Variants in MARCHF5 observed in about 807,000 individuals in gnomAD.
The protein encoded by MARCHF5 is E3 ubiquitin-protein ligase MARCHF5.
In MARCHF5, 5 loss-of-function variants were observed where a neutral mutation model predicts 36.5. The observed-to-expected ratio is 0.14, with a 90% CI of 0.07 to 0.29. MARCHF5 has a LOEUF of 0.29. Ranked by LOEUF, MARCHF5 falls within the 10% of genes least tolerant of loss-of-function variation. The pLI is 1.00. For synonymous variants in MARCHF5, 103 were observed against 109.9 expected, an observed-to-expected ratio of 0.94 and a Z score of 0.39; for missense variants, 179 against 336.3, an observed-to-expected ratio of 0.53 and a Z score of 3.66.
intron 2 of MARCHF5, among the ~76,000 whole-genome samples, chr10:92,320,744 TAAA>T (rs71025394): frequency 0.32 from 48,775 of 151,806 alleles, 9,691 homozygotes; most frequent in South Asian, 0.56. Flanking sequence ...AAGTTAAAGT[TAAA>T]AGTGTATAGA....
At chr10:92,342,747 A>G (rs1042050633) in intron 3 of MARCHF5, among the ~76,000 whole-genome samples, 1 of 152,218 alleles carries the variant, frequency 6.6e-6, no homozygotes. Context: ...AGATTGGTTA[A>G]GTGTTTCCTA....
chr10:92,333,727 G>C (rs1477767602), intron 2 of MARCHF5: 1 of 868,542 alleles, frequency 1.2e-6, no homozygotes, highest in African/African-American at 1.8e-5. Context: ...TTGCTGAGAA[G>C]TTGGATTTTT....
chr10:92,291,217 A>T lies in MARCHF5; in HGVS notation c.-278A>T. 1 of 528,462 alleles carries T rather than the reference A, an allele frequency of 1.9e-6. No homozygotes were observed. Among genetic ancestry groups the T allele is most frequent in the East Asian group, 3.5e-5 (1 of 28,300 alleles). The allele number at this position is 528,462 out of a possible 1,614,324, so 32.7% of individuals were successfully genotyped here. A position where few individuals can be genotyped will look rare whatever the true frequency, so the allele number is the denominator to read the frequency against. Reference sequence around the variant, plus strand: ...GGCAGCAACTCGGCGCCCGCGGTCCATGGACCGGAACCTCGGGCCGACGGA... The same window carrying T: ...GGCAGCAACTCGGCGCCCGCGGTCCTTGGACCGGAACCTCGGGCCGACGGA... On this transcript the variant is annotated 5_prime_UTR_variant, in exon 1 of 6. It removes an upstream start codon present in the reference 5' UTR. Transcript: ENST00000358935.
At chr10:92,300,582 A>T (rs550044538) in intron 1 of MARCHF5, among the ~76,000 whole-genome samples, 3 of 151,950 alleles carry the variant, frequency 2.0e-5, no homozygotes, top group Non-Finnish European at 4.4e-5. Flanking sequence ...GCTCCCTATT[A>T]TGTTTAAGAT....
chr10:92,327,747 A>AT (rs1158830036), intron 2 of MARCHF5, among the ~76,000 whole-genome samples: 3 of 151,872 alleles, frequency 2.0e-5, no homozygotes, highest in Admixed American at 6.6e-5. Context: ...TCACTCAGGT[A>AT]TTTTTTTTCT....
At chr10:92,329,102 T>G (rs1843406896) in intron 2 of MARCHF5, among the ~76,000 whole-genome samples, 2 of 152,208 alleles carry the variant, frequency 1.3e-5, no homozygotes, top group African/African-American at 4.8e-5. Flanking sequence ...ATTTATTGGC[T>G]TAGAAAATTT....
chr10:92,292,694 G>A (rs1342296076), intron 1 of MARCHF5, among the ~76,000 whole-genome samples: 1 of 152,064 alleles, frequency 6.6e-6, no homozygotes, highest in East Asian at 1.9e-4. Context: ...TCCAGCCCTT[G>A]TTTCAGGTCA....
intron 2 of MARCHF5, among the ~76,000 whole-genome samples, chr10:92,321,900 G>T (rs912568081): frequency 1.3e-5 from 2 of 151,836 alleles, no homozygotes; most frequent in African/African-American, 4.9e-5. Flanking sequence ...CTTAATTCAT[G>T]ATTTTAGTCA....
At chr10:92,304,942 A>G (rs1169166874) in intron 1 of MARCHF5, among the ~76,000 whole-genome samples, 1 of 152,238 alleles carries the variant, frequency 6.6e-6, no homozygotes, top group East Asian at 1.9e-4. Flanking sequence ...TTCTTTAACC[A>G]GCTAGAATAT....
rs1842855652 is a variant in MARCHF5 at position 92,291,305 on chromosome 10, C to T, written c.-190C>T. ...GGCTCCTCCTCCTCGCTCTCCGCCG[C>T]CTCCGCCGGACTCCCGCAGGCCCTG... On this transcript the variant is annotated 5_prime_UTR_variant, in exon 1 of 6. Transcript: ENST00000358935. 3 of 575,890 alleles carry T rather than the reference C, an allele frequency of 5.2e-6. No homozygotes were observed. The highest frequency in any genetic ancestry group is 2.0e-5 in the African/African-American group (1 of 50,134). 35.7% of individuals were successfully genotyped at this position (575,890 alleles called of 1,614,324 possible). A position where few individuals can be genotyped will look rare whatever the true frequency, so the allele number is the denominator to read the frequency against.
chr10:92,297,405 A>T (rs896060419), intron 1 of MARCHF5, among the ~76,000 whole-genome samples: 3 of 151,436 alleles, frequency 2.0e-5, no homozygotes, highest in Admixed American at 2.0e-4. Flanking sequence ...CCTGGGCTCA[A>T]GTGATCCGCT....
intron 2 of MARCHF5, among the ~76,000 whole-genome samples, 159 bp downstream of exon 2, chr10:92,311,496 G>T (rs1016899556): frequency 2.6e-5 from 4 of 151,384 alleles, no homozygotes; most frequent in Admixed American, 1.3e-4. Flanking sequence ...TATTTCTTTT[G>T]CTAACAGTTT....
chr10:92,345,853 C>T (rs1843637676), intron 3 of MARCHF5, among the ~76,000 whole-genome samples: 1 of 151,898 alleles, frequency 6.6e-6, no homozygotes, highest in South Asian at 2.1e-4. Flanking sequence ...TGCCACCACG[C>T]CCTGCTAATT....
At chr10:92,300,403 G>A (rs1426419970) in intron 1 of MARCHF5, among the ~76,000 whole-genome samples, 3 of 151,494 alleles carry the variant, frequency 2.0e-5, no homozygotes, top group Admixed American at 6.6e-5. Context: ...TGAGATGGGA[G>A]GATCACCTGA....
At chr10:92,349,957 T>C in intron 5 of MARCHF5, 120 bp downstream of exon 5, 1 of 740,370 alleles carries the variant, frequency 1.4e-6, no homozygotes, top group Non-Finnish European at 2.2e-6. Context: ...TAAGCCTCTA[T>C]TTGAGCCTCA....
intron 2 of MARCHF5, 88 bp downstream of exon 2, chr10:92,311,425 T>G: frequency 1.2e-6 from 1 of 857,784 alleles, no homozygotes; most frequent in South Asian, 1.9e-5. Context: ...CCACCTCTTT[T>G]TTTTAGGGTG....
chr10:92,334,180 AC>A (rs1277233401), intron 2 of MARCHF5, among the ~76,000 whole-genome samples: 1 of 152,176 alleles, frequency 6.6e-6, no homozygotes, highest in Non-Finnish European at 1.5e-5. Flanking sequence ...ATAGAGCGAG[AC>A]TCTGTCTCGG....
intron 2 of MARCHF5, among the ~76,000 whole-genome samples, chr10:92,333,251 G>A (rs1413666581): frequency 2.1e-5 from 3 of 143,998 alleles, no homozygotes; most frequent in African/African-American, 7.7e-5. Flanking sequence ...CCCTTAAAAT[G>A]TCCATTTAAC....
chr10:92,297,166 CTTT>C (rs767761093), intron 1 of MARCHF5, among the ~76,000 whole-genome samples: 11 of 137,828 alleles, frequency 8.0e-5, no homozygotes, highest in East Asian at 2.1e-4. Flanking sequence ...TAATAGACTA[CTTT>C]TTTTTTTTTT....
Sources: allele counts gnomAD v4.1 joint callset (sites outside exome capture counted in the v4.1 genomes callset), GRCh38; gene constraint gnomAD v4.1.1; transcripts MANE v1.5; gene names NCBI Gene and HGNC (gene_info 2026-07-23, HGNC 2026-07-21).